The following SCHIP1 variants were observed in gnomAD, a reference collection of about 807,000 sequenced individuals.
SCHIP1 encodes schwannomin-interacting protein 1.
SCHIP1 carries 8 observed loss-of-function variants against 29.7 expected under a neutral mutation model. That is an observed-to-expected ratio of 0.27 (90% CI 0.16 to 0.49). The LOEUF (loss-of-function observed/expected upper bound fraction) is 0.49, where lower values mean the gene tolerates loss of function less well. SCHIP1 is among the 20% of genes least tolerant of loss of function. The probability of loss-of-function intolerance (pLI) is 0.99; values close to 1 mark genes in which losing one functional copy is unlikely to be tolerated. For synonymous variants in SCHIP1, 76 were observed against 94.9 expected, an observed-to-expected ratio of 0.80 and a Z score of 1.16; for missense variants, 193 against 294.6, an observed-to-expected ratio of 0.66 and a Z score of 2.52.
chr3:159,334,793 C>T, the SCHIP1 span, among the ~76,000 whole-genome samples: 1 of 152,040 alleles, frequency 6.6e-6, no homozygotes, highest in African/African-American at 2.4e-5. Flanking sequence ...AATCTAGTCT[C>T]CAATTTAAGG....
intron 2 of SCHIP1, among the ~76,000 whole-genome samples, chr3:159,881,388 G>A (rs544487705): frequency 6.6e-5 from 10 of 152,294 alleles, no homozygotes; most frequent in Middle Eastern, 6.8e-3. Flanking sequence ...CCACAAACTA[G>A]TTGGGGATAT....
chr3:159,789,470 C>G, the SCHIP1 span, among the ~76,000 whole-genome samples: 1 of 152,350 alleles, frequency 6.6e-6, no homozygotes, highest in East Asian at 1.9e-4. Flanking sequence ...CAAGTTGACA[C>G]AAAATTAACC....
At chr3:159,718,650 A>G in the SCHIP1 span, among the ~76,000 whole-genome samples, 1 of 152,238 alleles carries the variant, frequency 6.6e-6, no homozygotes, top group Admixed American at 6.5e-5. Context: ...AAAGTGAATA[A>G]AATACCTAGG....
chr3:159,746,655 T>C, the SCHIP1 span, among the ~76,000 whole-genome samples: 1 of 152,234 alleles, frequency 6.6e-6, no homozygotes, highest in Non-Finnish European at 1.5e-5. Flanking sequence ...AAAGCAAAGT[T>C]TAATATTCTT....
the SCHIP1 span, among the ~76,000 whole-genome samples, chr3:159,729,035 C>T: frequency 6.6e-6 from 1 of 152,030 alleles, no homozygotes; most frequent in Non-Finnish European, 1.5e-5. Context: ...GTAGTCCCAG[C>T]TACTTGGGAG....
At chr3:159,805,727 T>C in the SCHIP1 span, among the ~76,000 whole-genome samples, 1 of 152,082 alleles carries the variant, frequency 6.6e-6, no homozygotes, top group Admixed American at 6.5e-5. Context: ...ACCCAACTGT[T>C]GTTCAGCTCT....
At chr3:159,427,234 C>CA in the SCHIP1 span, among the ~76,000 whole-genome samples, 1 of 150,688 alleles carries the variant, frequency 6.6e-6, no homozygotes, top group Admixed American at 6.6e-5. Context: ...AAAGGCTATT[C>CA]AATTAGGAAA....
the SCHIP1 span, among the ~76,000 whole-genome samples, chr3:159,801,999 T>G: frequency 1.3e-5 from 2 of 151,890 alleles, no homozygotes. Context: ...TTAAGGAAGT[T>G]AAGGCCACCA....
the SCHIP1 span, among the ~76,000 whole-genome samples, chr3:159,753,917 AC>A: frequency 6.6e-6 from 1 of 151,986 alleles, no homozygotes; most frequent in Non-Finnish European, 1.5e-5. Flanking sequence ...CAGCTGCTCA[AC>A]CCATTTCCTG....
At chr3:159,346,496 T>G in the SCHIP1 span, among the ~76,000 whole-genome samples, 1 of 152,086 alleles carries the variant, frequency 6.6e-6, no homozygotes. Flanking sequence ...CAGTGCTTCT[T>G]GACATGCCTA....
At chr3:159,887,606 G>A in intron 3 of SCHIP1, 102 bp from the exon 5 acceptor site, 1 of 1,345,864 alleles carries the variant, frequency 7.4e-7, no homozygotes. Context: ...AGGGAACTCT[G>A]AGCTGCTCTG....
At chr3:159,823,413 C>T in the SCHIP1 span, among the ~76,000 whole-genome samples, 1 of 152,174 alleles carries the variant, frequency 6.6e-6, no homozygotes, top group African/African-American at 2.4e-5. Context: ...AAACTTGAAG[C>T]AGTTATGCTT....
the SCHIP1 span, among the ~76,000 whole-genome samples, chr3:159,436,714 A>T: frequency 6.6e-6 from 1 of 152,210 alleles, no homozygotes. Flanking sequence ...AGGGAATTAA[A>T]TACTGAGAGG....
the SCHIP1 span, among the ~76,000 whole-genome samples, chr3:159,828,065 GTTATA>G: frequency 3.3e-5 from 5 of 150,978 alleles, no homozygotes; most frequent in African/African-American, 9.7e-5. Flanking sequence ...ATATATTATT[GTTATA>G]TTGTATTGCT....
the SCHIP1 span, among the ~76,000 whole-genome samples, chr3:159,637,371 CCACACACA>C: frequency 0.022 from 2,999 of 134,632 alleles, 113 homozygotes; most frequent in African/African-American, 0.071. Flanking sequence ...CCGGCCCCAG[CCACACACA>C]CACACACACA....
chr3:159,418,150 C>CA, the SCHIP1 span, among the ~76,000 whole-genome samples: 3 of 152,260 alleles, frequency 2.0e-5, no homozygotes, highest in African/African-American at 7.2e-5. Context: ...CATATTGGCA[C>CA]AAAAAGACCT....
At chr3:159,744,946 C>T in the SCHIP1 span, among the ~76,000 whole-genome samples, 19 of 152,052 alleles carry the variant, frequency 1.2e-4, no homozygotes, top group Admixed American at 3.3e-4. Context: ...TGCGCCACTG[C>T]ACTCCAGCCT....
chr3:159,876,326 G>C (rs767713702), intron 2 of SCHIP1, among the ~76,000 whole-genome samples: 3 of 152,158 alleles, frequency 2.0e-5, no homozygotes, highest in Non-Finnish European at 4.4e-5. Flanking sequence ...GGGTAGGAGC[G>C]GGGTATTGGG....
the SCHIP1 span, among the ~76,000 whole-genome samples, chr3:159,486,284 ACATTTCCC>A: frequency 6.6e-6 from 1 of 152,264 alleles, no homozygotes; most frequent in East Asian, 1.9e-4. Context: ...TCCTTTGATA[ACATTTCCC>A]CATTTCCCCC....
Sources: allele counts gnomAD v4.1 joint callset (sites outside exome capture counted in the v4.1 genomes callset), GRCh38; gene constraint gnomAD v4.1.1; transcripts MANE v1.5; gene names NCBI Gene and HGNC (gene_info 2026-07-23, HGNC 2026-07-21).